OSBP2: variants seen among roughly 807,000 people sequenced by gnomAD.
The protein encoded by OSBP2 is oxysterol-binding protein 2.
A neutral mutation model predicts 96.0 loss-of-function variants in OSBP2; 66 were observed. The observed-to-expected ratio is 0.69, with a 90% CI of 0.56 to 0.84. The LOEUF is 0.84. Ranked by LOEUF, OSBP2 falls within the 40% of genes least tolerant of loss-of-function variation. The pLI is 0.00. For missense variants in OSBP2, 1,038 were observed against 1,222.7 expected (o/e 0.85, Z 2.25); for synonymous variants, 525 against 520.9 (o/e 1.01, Z -0.11).
At chr22:30,858,879 C>CAATAATAATAATAATAAT (rs137975802) in intron 2 of OSBP2, among the ~76,000 whole-genome samples, 4,731 of 141,350 alleles carry the variant, frequency 0.033, 85 homozygotes, top group Middle Eastern at 0.039. Context: ...GACTCTGTCT[C>CAATAATAATAATAATAAT]AATAATAATA....
At chr22:30,858,879 C>CT (rs151148739) in intron 2 of OSBP2, among the ~76,000 whole-genome samples, 3 of 141,402 alleles carry the variant, frequency 2.1e-5, no homozygotes, top group African/African-American at 8.0e-5. Context: ...GACTCTGTCT[C>CT]AATAATAATA....
chr22:30,761,563 T>C (rs1241209102), intron 2 of OSBP2, among the ~76,000 whole-genome samples: 2 of 152,194 alleles, frequency 1.3e-5, no homozygotes, highest in African/African-American at 4.8e-5. Flanking sequence ...CAGCAGGACA[T>C]TTTCTCAGCA....
rs114941986 is a variant in OSBP2 at position 30,793,053 on chromosome 22, A to G, written c.853+51684A>G. 8.9e-3 allele frequency among the ~76,000 whole-genome samples: 1,360 copies of G among 152,334 alleles called. 20 individuals carry two copies. The highest frequency in any genetic ancestry group is 0.029 in the African/African-American group (1,206 of 41,586). ...ACCACATTGTCTCAAAACTGAAGAT[A>G]AGAGTAAATTAGATTGTAGTTCAGC... is the stretch of plus-strand genomic sequence containing the variant. On this transcript the variant is annotated intron_variant, in intron 2 of 13. Transcript: ENST00000332585.
intron 2 of OSBP2, among the ~76,000 whole-genome samples, chr22:30,741,955 G>T (rs930858970): frequency 6.6e-6 from 1 of 151,786 alleles, no homozygotes; most frequent in Non-Finnish European, 1.5e-5. Context: ...AAGTAGCTGG[G>T]ATTATAGGCG....
intron 3 of OSBP2, among the ~76,000 whole-genome samples, chr22:30,877,550 G>A (rs894880391): frequency 4.6e-5 from 7 of 152,198 alleles, no homozygotes; most frequent in Admixed American, 4.6e-4. Flanking sequence ...TACAAGCTCA[G>A]GCTTGGAGTG....
At chr22:30,834,667 A>G (rs1433001992) in intron 2 of OSBP2, among the ~76,000 whole-genome samples, 2 of 152,174 alleles carry the variant, frequency 1.3e-5, no homozygotes, top group East Asian at 3.8e-4. Context: ...AGAAATGCCT[A>G]TTTAAATCCT....
chr22:30,819,498 T>G (rs2091121984), intron 2 of OSBP2, among the ~76,000 whole-genome samples: 1 of 152,220 alleles, frequency 6.6e-6, no homozygotes, highest in South Asian at 2.1e-4. Context: ...TTCGGCTTCC[T>G]TGACAAACTA....
At chr22:30,701,132 C>G (rs2089154344) in intron 1 of OSBP2, among the ~76,000 whole-genome samples, 2 of 151,162 alleles carry the variant, frequency 1.3e-5, no homozygotes, top group South Asian at 4.2e-4. Flanking sequence ...TGAGGAAGAC[C>G]ACTGAACACT....
In OSBP2 at chr22:30,907,244, C is replaced by G. The variant is rs1447954879; in HGVS notation, c.*905C>G. 6.6e-6 allele frequency: 1 copy of G among 152,564 alleles called. No individual in the cohort carries two copies. Among genetic ancestry groups the G allele is most frequent in the East Asian group, 1.9e-4 (1 of 5,188 alleles). The allele number at this position is 152,564 out of a possible 1,614,324, so 9.5% of individuals were successfully genotyped here. A position where few individuals can be genotyped will look rare whatever the true frequency, so the allele number is the denominator to read the frequency against. ...GGTGACCTGGGCACCAGAGACCTTG[C>G]ATCCCTCCTCATCCTAGGAGGCCCC... On this transcript the variant is annotated 3_prime_UTR_variant, in exon 14 of 14. Transcript: ENST00000332585.
rs114818957 is a variant in OSBP2, at chr22:30,764,595, A to G, written c.853+23226A>G. Reference sequence around the variant, plus strand: ...TTGAAGGAATGACTTCACAAAGCACAGTGTTTCTTACTTGTTGGGGGAGAC... The same window carrying G: ...TTGAAGGAATGACTTCACAAAGCACGGTGTTTCTTACTTGTTGGGGGAGAC... On this transcript the variant is annotated intron_variant, in intron 2 of 13. Transcript: ENST00000332585. Among the ~76,000 whole-genome samples the G allele has an allele frequency of 6.7e-3, 1,024 of 152,274 alleles. 11 individuals are homozygous for G. Among genetic ancestry groups the G allele is most frequent in the African/African-American group, 0.022 (897 of 41,548 alleles).
chr22:30,889,072 A>T, intron 5 of OSBP2, 105 bp from the exon 6 acceptor site: 2 of 947,978 alleles, frequency 2.1e-6, no homozygotes, highest in Non-Finnish European at 3.2e-6. Context: ...AGTGACCAGG[A>T]CATTTACTAG....
chr22:30,730,762 CTCT>C (rs1294989721), intron 1 of OSBP2, among the ~76,000 whole-genome samples: 15 of 39,508 alleles, frequency 3.8e-4, no homozygotes, highest in South Asian at 1.6e-3. Context: ...CTCTCTCTCT[CTCT>C]CTCTCTCTCT....
chr22:30,887,597 C>A lies in OSBP2; in HGVS notation c.1279C>A (p.Pro427Thr), dbSNP rs1158186386. The change falls in exon 4 of 14, where the codon CCC becomes ACC. Residue 427 changes from proline (P) to threonine (T), a missense_variant. Physicochemically the swap from Pro to Thr is conservative, Grantham distance 38 (BLOSUM62 -1). Around this residue, in one of 3 missense-constraint regions of OSBP2, gnomAD observed 737 missense variants for 913.3 expected, o/e 0.81. Coordinates refer to ENST00000332585, the MANE Select transcript of OSBP2 (RefSeq NM_030758.4). Reference protein sequence around the residue: ...FHSAPGRPANPSKSFIEGSLL... With the variant: ...FHSAPGRPANTSKSFIEGSLL... ...CAGTGCCCCTGGCCGGCCGGCCAAC[C>A]CCTCCAAGAGCTTCATTGAGGGTGA... 6.2e-7 allele frequency: 1 copy of A among 1,606,052 alleles called. No homozygotes were observed. The highest frequency in any genetic ancestry group is 1.1e-5 in the South Asian group (1 of 90,144).
intron 2 of OSBP2, among the ~76,000 whole-genome samples, chr22:30,805,852 C>T (rs186841926): frequency 6.6e-6 from 1 of 152,288 alleles, no homozygotes; most frequent in African/African-American, 2.4e-5. Context: ...GAGAATGGAG[C>T]CTAGATGCCA....
chr22:30,902,706 A>G, intron 12 of OSBP2: 1 of 507,944 alleles, frequency 2.0e-6, no homozygotes, highest in Non-Finnish European at 3.8e-6. Context: ...CCCTCAATGA[A>G]GTAGCCGATC....
intron 12 of OSBP2, among the ~76,000 whole-genome samples, chr22:30,899,062 G>A (rs1405172331): frequency 6.6e-6 from 1 of 151,836 alleles, no homozygotes; most frequent in East Asian, 1.9e-4. Flanking sequence ...AGATTGGAGG[G>A]ACAAATTCTT....
intron 2 of OSBP2, among the ~76,000 whole-genome samples, chr22:30,807,362 C>G (rs2090942866): frequency 6.6e-6 from 1 of 152,244 alleles, no homozygotes; most frequent in Non-Finnish European, 1.5e-5. Context: ...CTCCTCATTA[C>G]TGACTCTTTG....
intron 2 of OSBP2, among the ~76,000 whole-genome samples, chr22:30,855,484 C>G (rs375604128): frequency 6.6e-6 from 1 of 152,176 alleles, no homozygotes; most frequent in African/African-American, 2.4e-5. Flanking sequence ...GCTTAATGAA[C>G]GGTAAAGTGA....
At chr22:30,847,951 G>A (rs1176714907) in intron 2 of OSBP2, among the ~76,000 whole-genome samples, 9 of 151,950 alleles carry the variant, frequency 5.9e-5, no homozygotes, top group Non-Finnish European at 1.3e-4. Flanking sequence ...TTTATATACT[G>A]TTTTTCTTAT....
Sources: allele counts gnomAD v4.1 joint callset (sites outside exome capture counted in the v4.1 genomes callset), GRCh38; gene constraint gnomAD v4.1.1; regional missense constraint gnomAD v4.1.1; transcripts MANE v1.5; gene names NCBI Gene and HGNC (gene_info 2026-07-23, HGNC 2026-07-21).